Variants in TMEM63B observed in about 807,000 individuals in gnomAD.
TMEM63B encodes the protein mechanosensitive cation channel TMEM63B.
In TMEM63B, 23 loss-of-function variants were observed where a neutral mutation model predicts 102.6. The ratio of observed to expected loss-of-function variants is 0.22; its 90% confidence interval spans 0.16 to 0.32. TMEM63B has a LOEUF of 0.32. Ranked by LOEUF, TMEM63B falls within the 10% of genes least tolerant of loss-of-function variation. The pLI is 1.00. For synonymous variants in TMEM63B, 444 were observed against 437.0 expected, an observed-to-expected ratio of 1.02 and a Z score of -0.20; for missense variants, 628 against 1,095.9, an observed-to-expected ratio of 0.57 and a Z score of 6.03.
rs1765950380 is a variant in TMEM63B at position 44,148,775 on chromosome 6, G to A, written c.1260-17G>A. 6.2e-7 allele frequency: 1 copy of A among 1,614,072 alleles called. No homozygotes were observed. Reference sequence around the variant, plus strand: ...CTGCCCTTGGTTCCTGGACTGACCGGTTCCCCACCTTGCCAGGGAGCACCT... The same window carrying A: ...CTGCCCTTGGTTCCTGGACTGACCGATTCCCCACCTTGCCAGGGAGCACCT... On this transcript the variant is annotated splice_polypyrimidine_tract_variant and intron_variant, in intron 14 of 23. Transcript: ENST00000323267. The surrounding 1 kb of genome is among the most constrained non-coding windows in gnomAD (Gnocchi z 5.1).
Position 44,150,759 on chromosome 6 carries a change from T to G in TMEM63B, c.1673+130T>G. The G allele has an allele frequency of 1.0e-6, 1 of 998,134 alleles. No individual in the cohort carries two copies. The highest frequency in any genetic ancestry group is 1.5e-6 in the Non-Finnish European group (1 of 658,258). The allele number at this position is 998,134 out of a possible 1,614,324, so 61.8% of individuals were successfully genotyped here. A position where few individuals can be genotyped will look rare whatever the true frequency, so the allele number is the denominator to read the frequency against. ...TGGAGGGGGCAGAAGAGAGAGGATC[T>G]GGCGGGGTTACCCCAAAGGCACCCA... On this transcript the variant is annotated intron_variant, in intron 18 of 23. Transcript: ENST00000323267. The surrounding 1 kb of genome is among the most constrained non-coding windows in gnomAD (Gnocchi z 4.7).
chr6:44,155,033 T>G lies in TMEM63B; in HGVS notation c.*150T>G. On this transcript the variant is annotated 3_prime_UTR_variant, in exon 24 of 24. Coordinates refer to ENST00000323267, the MANE Select transcript of TMEM63B (RefSeq NM_018426.3). ...TATTTAAACTTGGGGGTTTCACTGC[T>G]CTCCCCCATGATGGAGGGAGGGAGC... 1.3e-6 allele frequency: 1 copy of G among 744,474 alleles called. No individual in the cohort carries two copies. Among genetic ancestry groups the G allele is most frequent in the South Asian group, 3.0e-5 (1 of 33,428 alleles). The allele number at this position is 744,474 out of a possible 1,614,324, so 46.1% of individuals were successfully genotyped here. A position where few individuals can be genotyped will look rare whatever the true frequency, so the allele number is the denominator to read the frequency against.
chr6:44,155,194 G>T lies in TMEM63B; in HGVS notation c.*311G>T. ...AGGAGAGGGTTAATGAGAGCCAAGA[G>T]GAGTACCTGGTGCACCTGGTGCCGG... On this transcript the variant is annotated 3_prime_UTR_variant, in exon 24 of 24. Transcript: ENST00000323267. The T allele has an allele frequency of 5.1e-6, 1 of 195,762 alleles. No homozygotes were observed. 12.1% of individuals were successfully genotyped at this position (195,762 alleles called of 1,614,324 possible).
Position 44,154,944 on chromosome 6 carries a change from C to G in TMEM63B, c.*61C>G. On this transcript the variant is annotated 3_prime_UTR_variant, in exon 24 of 24. Transcript: ENST00000323267. ...CACCCCACCCCCACTCCCACGGACA[C>G]TAAAACGCTAATAATTTATTAGATC... 7.2e-7 allele frequency: 1 copy of G among 1,395,564 alleles called. No individual in the cohort carries two copies. The highest frequency in any genetic ancestry group is 9.5e-7 in the Non-Finnish European group (1 of 1,048,644). 86.4% of individuals were successfully genotyped at this position (1,395,564 alleles called of 1,614,324 possible).
Position 44,150,211 on chromosome 6 carries a change from C to T in TMEM63B, c.1521-13C>T. 1 of 1,612,396 alleles carries T rather than the reference C, an allele frequency of 6.2e-7. No homozygotes were observed. ...CACTTGACCTGTACCGTTCCCTGCT[C>T]CCCTCCCTCCAGCTCTGGGGAGAAC... On this transcript the variant is annotated splice_polypyrimidine_tract_variant and intron_variant, in intron 16 of 23. Transcript: ENST00000323267. The surrounding 1 kb of genome is among the most constrained non-coding windows in gnomAD (Gnocchi z 4.7).
chr6:44,149,911 C>T lies in TMEM63B; in HGVS notation c.1466C>T (p.Ala489Val). 3 of 1,613,650 alleles carry T rather than the reference C, an allele frequency of 1.9e-6. No homozygotes were observed. The highest frequency in any genetic ancestry group is 2.5e-6 in the Non-Finnish European group (3 of 1,179,844). Reference sequence around the variant, plus strand: ...ACCCTGCTGCTGTGGTGCTTCTCGGCCCTCCTTCCCACCATCGTCTACTAC... The same window carrying T: ...ACCCTGCTGCTGTGGTGCTTCTCGGTCCTCCTTCCCACCATCGTCTACTAC... Reference protein sequence around the residue: ...FPTLLLWCFSALLPTIVYYSA... With the variant: ...FPTLLLWCFSVLLPTIVYYSA... Residue 489 changes from alanine (A) to valine (V), a missense_variant, in exon 16 of 24, where the codon GCC (alanine) becomes GTC (valine). By Grantham distance (64) the Ala-to-Val change is moderately conservative. This residue lies in a region of TMEM63B where 61 missense variants were observed against 176.0 expected (regional missense o/e 0.35). Transcript: ENST00000323267.
In TMEM63B at chr6:44,153,869, G is replaced by A. The variant is rs1451876400; in HGVS notation, c.2110+26G>A. On this transcript the variant is annotated intron_variant, in intron 21 of 23. Transcript: ENST00000323267. Reference sequence around the variant, plus strand: ...GTGAGGGATCCCTACCCAGGGAACGGGGGGTGGCGAGCAGAGTGGATTCCA... The same window carrying A: ...GTGAGGGATCCCTACCCAGGGAACGAGGGGTGGCGAGCAGAGTGGATTCCA... The A allele has an allele frequency of 2.5e-6, 4 of 1,605,608 alleles. No individual in the cohort carries two copies. In the South Asian group the frequency reaches 3.3e-5, roughly 13 times the overall value.
At chr6:44,142,351 G>A (rs1764454730) in intron 10 of TMEM63B, among the ~76,000 whole-genome samples, 1 of 149,592 alleles carries the variant, frequency 6.7e-6, no homozygotes, top group African/African-American at 2.5e-5. Flanking sequence ...CTCTACTGGT[G>A]AAACCTTGTC....
Position 44,148,437 on chromosome 6 carries a change from AC to A in TMEM63B, c.1121+56del. 6.2e-7 allele frequency: 1 copy of A among 1,612,862 alleles called. No homozygotes were observed. The highest frequency in any genetic ancestry group is 8.5e-7 in the Non-Finnish European group (1 of 1,179,230). ...CTGAGCAGCCCTCCAGGGCTCCCTG[AC>A]CCCTGTGCTCATGGCCTTCTGCCAG... On this transcript the variant is annotated intron_variant, in intron 13 of 23. Transcript: ENST00000323267. The surrounding 1 kb of genome is among the most constrained non-coding windows in gnomAD (Gnocchi z 5.1).
intron 10 of TMEM63B, among the ~76,000 whole-genome samples, chr6:44,145,567 G>A (rs1038648935): frequency 1.3e-5 from 2 of 152,122 alleles, no homozygotes; most frequent in Admixed American, 6.5e-5. Flanking sequence ...ATTCTAGCCC[G>A]GGTGACAGAG....
At chr6:44,153,317 A>G (rs1767190665) in intron 20 of TMEM63B, among the ~76,000 whole-genome samples, 1 of 152,242 alleles carries the variant, frequency 6.6e-6, no homozygotes, top group African/African-American at 2.4e-5. Flanking sequence ...TGTCCTCATT[A>G]GAAACTCCCT....
chr6:44,155,385 T>C lies in TMEM63B; in HGVS notation c.*502T>C, dbSNP rs1767834167. On this transcript the variant is annotated 3_prime_UTR_variant, in exon 24 of 24. Transcript: ENST00000323267. ...TGCTGAGTGGGAGGAAGAGTCAGGC[T>C]CACAGCTGGGGTGGCCTGGGGGTGG... 1 of 141,672 alleles carries C rather than the reference T, an allele frequency of 7.1e-6. No homozygotes were observed. Among genetic ancestry groups the C allele is most frequent in the Non-Finnish European group, 1.5e-5 (1 of 64,786 alleles). 8.8% of individuals were successfully genotyped at this position (141,672 alleles called of 1,614,324 possible). A position where few individuals can be genotyped will look rare whatever the true frequency, so the allele number is the denominator to read the frequency against.
intron 6 of TMEM63B, chr6:44,138,790 C>T (rs1299549332): frequency 9.6e-6 from 4 of 414,966 alleles, no homozygotes; most frequent in Non-Finnish European, 1.8e-5. Context: ...GGTGGAGCCC[C>T]TGCCTCAACC....
At chr6:44,139,981 G>A (rs1763899409) in intron 8 of TMEM63B, among the ~76,000 whole-genome samples, 1 of 152,170 alleles carries the variant, frequency 6.6e-6, no homozygotes, top group Non-Finnish European at 1.5e-5. Context: ...TCAGGAACCA[G>A]GGAGGGCCAG....
chr6:44,147,304 G>C (rs532999325), intron 11 of TMEM63B, 73 bp from the exon 12 acceptor site: 1 of 1,607,532 alleles, frequency 6.2e-7, no homozygotes, highest in Non-Finnish European at 8.5e-7. Flanking sequence ...TCCTTGGGGA[G>C]TGAGCTAGAT....
chr6:44,151,984 C>T lies in TMEM63B; in HGVS notation c.1812C>T (p.Ala604=), dbSNP rs1223621182. ...YMIRLCLARS[A]AERRNVKRHQ... ...TCCGGCTCTGCCTGGCGCGCTCGGCCGCCGAGAGGCGCAACGTGAAGCGGG... is the reference window on the plus strand; with the variant it reads ...TCCGGCTCTGCCTGGCGCGCTCGGCTGCCGAGAGGCGCAACGTGAAGCGGG... The change falls in exon 19 of 24, where the codon GCC becomes GCT. Residue 604 remains alanine (A), a synonymous_variant. Coordinates refer to ENST00000323267, the MANE Select transcript of TMEM63B (RefSeq NM_018426.3). 4 of 1,610,622 alleles carry T rather than the reference C, an allele frequency of 2.5e-6. No homozygotes were observed. The highest frequency in any genetic ancestry group is 2.2e-5 in the East Asian group (1 of 44,740).
chr6:44,145,300 G>A (rs2128247975), intron 10 of TMEM63B, among the ~76,000 whole-genome samples: 1 of 150,828 alleles, frequency 6.6e-6, no homozygotes, highest in Admixed American at 6.6e-5. Context: ...AAGCTATTAG[G>A]CTGGGTATGG....
In TMEM63B at chr6:44,135,436, C is replaced by T. The variant is rs957503974; in HGVS notation, c.278+70C>T. 4 of 1,531,976 alleles carry T rather than the reference C, an allele frequency of 2.6e-6. No homozygotes were observed. The African/African-American group carries it at 5.5e-5, about 21-fold the overall frequency. 94.9% of individuals were successfully genotyped at this position (1,531,976 alleles called of 1,614,324 possible). On this transcript the variant is annotated intron_variant, in intron 4 of 23. Coordinates refer to ENST00000323267, the MANE Select transcript of TMEM63B (RefSeq NM_018426.3). ...CCTTTTCTTCTCTCACGCTTCTCTT[C>T]TCTTCCTGCCAAGTTGCTGGTTTCT...
Position 44,152,477 on chromosome 6 carries a change from C to T in TMEM63B, c.1837-116C>T. On this transcript the variant is annotated intron_variant, in intron 19 of 23. Transcript: ENST00000323267. The surrounding 1 kb of genome is among the most constrained non-coding windows in gnomAD (Gnocchi z 6.4). Reference sequence around the variant, plus strand: ...CTACCCTAGACATTAGGTCCTGTTCCCCATGGCTTCTTTTCCGGCCCCAGA... The same window carrying T: ...CTACCCTAGACATTAGGTCCTGTTCTCCATGGCTTCTTTTCCGGCCCCAGA... 1 of 767,606 alleles carries T rather than the reference C, an allele frequency of 1.3e-6. No homozygotes were observed. The allele number at this position is 767,606 out of a possible 1,614,324, so 47.5% of individuals were successfully genotyped here.
Sources: gnomAD v4.1 joint callset for allele counts (sites outside exome capture counted in the v4.1 genomes callset) on GRCh38, gnomAD v4.1.1 for gene constraint, gnomAD v4.1.1 regional missense constraint, Gnocchi (gnomAD v3.1) non-coding constraint, MANE v1.5 for transcripts, NCBI Gene and HGNC (gene_info 2026-07-23, HGNC 2026-07-21) for gene names.